The following KDM4C variants were observed in gnomAD, a reference collection of about 807,000 sequenced individuals.
KDM4C encodes the protein lysine demethylase 4C, also known as lysine-specific demethylase 4C.
Under a neutral mutation model 129.3 loss-of-function variants are expected in KDM4C, and 81 were observed. That is an observed-to-expected ratio of 0.63 (90% confidence interval 0.52 to 0.75). The LOEUF is 0.75. KDM4C is among the 30% of genes least tolerant of loss of function. The pLI is 0.00. For synonymous variants in KDM4C, 573 were observed against 456.1 expected (o/e 1.26, Z -3.26); for missense variants, 1,457 against 1,304.0 (o/e 1.12, Z -1.81).
At chr9:6,861,562 AAT>A (rs1242158051) in intron 5 of KDM4C, among the ~76,000 whole-genome samples, 4 of 152,192 alleles carry the variant, frequency 2.6e-5, no homozygotes, top group Non-Finnish European at 5.9e-5. Context: ...TGTCAGTGAT[AAT>A]CACAGATTTA....
At chr9:6,970,354 G>A (rs111265574) in intron 8 of KDM4C, among the ~76,000 whole-genome samples, 2,833 of 152,118 alleles carry the variant, frequency 0.019, 101 homozygotes, top group African/African-American at 0.065. Flanking sequence ...TATGAACCTT[G>A]GTCACTGTAA....
chr9:7,165,202 C>A (rs1021071924), intron 19 of KDM4C, 36 bp from the exon 20 acceptor site: 5 of 1,609,904 alleles, frequency 3.1e-6, no homozygotes, highest in Non-Finnish European at 4.2e-6. Context: ...CACTTAGGCA[C>A]TCCTTTTGAA....
chr9:6,725,537 G>C lies in KDM4C; in HGVS notation c.49+4540G>C, dbSNP rs536610729. 4.9e-3 allele frequency among the ~76,000 whole-genome samples: 741 copies of C among 151,832 alleles called. 7 individuals carry two copies. The highest frequency in any genetic ancestry group is 0.02 in the Middle Eastern group (6 of 294). On this transcript the variant is annotated intron_variant, in intron 1 of 17. Transcript: ENST00000536108. ...AGTTTTGCTCTTGTTGCCCAGGCTG[G>C]AGTGCAATGGCACGATCTTGGCTCA...
intron 8 of KDM4C, among the ~76,000 whole-genome samples, chr9:6,966,929 T>G (rs1046089069): frequency 1.3e-5 from 2 of 152,150 alleles, no homozygotes; most frequent in African/African-American, 4.8e-5. Flanking sequence ...ATAAAAAAAT[T>G]GATGATTTAG....
intron 3 of KDM4C, among the ~76,000 whole-genome samples, chr9:6,813,661 C>T (rs1831569053): frequency 1.3e-5 from 2 of 152,018 alleles, no homozygotes. Context: ...CATTGGTATT[C>T]CTTTTATGTG....
chr9:6,806,854 CTG>C (rs1252222773), intron 3 of KDM4C, among the ~76,000 whole-genome samples: 2 of 150,054 alleles, frequency 1.3e-5, no homozygotes, highest in Non-Finnish European at 3.0e-5. Context: ...AAGTGACACA[CTG>C]TTGCTCTCCC....
At chr9:7,128,403 C>A (rs927726454) in intron 19 of KDM4C, among the ~76,000 whole-genome samples, 167 bp downstream of exon 19, 18 of 150,636 alleles carry the variant, frequency 1.2e-4, no homozygotes, top group African/African-American at 4.2e-4. Flanking sequence ...ACTGATCTTC[C>A]CACATTCTTT....
chr9:7,126,976 C>A (rs1840085644), intron 18 of KDM4C, among the ~76,000 whole-genome samples: 1 of 152,010 alleles, frequency 6.6e-6, no homozygotes, highest in Non-Finnish European at 1.5e-5. Flanking sequence ...GAACTATAAA[C>A]AACTGGGGAG....
intron 1 of KDM4C, among the ~76,000 whole-genome samples, chr9:6,791,405 C>G (rs1268357650): frequency 1.3e-5 from 2 of 152,154 alleles, no homozygotes; most frequent in Admixed American, 1.3e-4. Flanking sequence ...CACTCCCAGC[C>G]CTTGTGTACA....
At chr9:6,937,898 G>C (rs889343173) in intron 8 of KDM4C, among the ~76,000 whole-genome samples, 6 of 151,968 alleles carry the variant, frequency 3.9e-5, no homozygotes, top group African/African-American at 1.2e-4. Flanking sequence ...TTTTGGTAGC[G>C]ATGGGGATTC....
At chr9:7,091,971 T>G (rs1433931811) in intron 17 of KDM4C, among the ~76,000 whole-genome samples, 1 of 152,242 alleles carries the variant, frequency 6.6e-6, no homozygotes, top group Admixed American at 6.5e-5. Context: ...TAACGTCCCT[T>G]ACTTTTTGTC....
chr9:6,986,282 C>G, intron 10 of KDM4C, 62 bp from the exon 11 acceptor site: 2 of 1,149,266 alleles, frequency 1.7e-6, no homozygotes, highest in Admixed American at 2.2e-5. Flanking sequence ...GAATAGTTTA[C>G]CAATTCTACT....
intron 17 of KDM4C, among the ~76,000 whole-genome samples, chr9:7,095,943 A>G (rs986553106): frequency 6.6e-6 from 1 of 152,240 alleles, no homozygotes; most frequent in African/African-American, 2.4e-5. Flanking sequence ...GCTCTTTAAT[A>G]CGAACATAAA....
chr9:6,958,687 A>ATTTTTTTTTTTTT (rs377187050), intron 8 of KDM4C, among the ~76,000 whole-genome samples: 1,627 of 135,802 alleles, frequency 0.012, 52 homozygotes, highest in African/African-American at 0.04. Flanking sequence ...TCTTTATATG[A>ATTTTTTTTTTTTT]TTTTTTTTTT....
chr9:7,089,495 A>G (rs1220557087), intron 17 of KDM4C, among the ~76,000 whole-genome samples: 2 of 152,180 alleles, frequency 1.3e-5, no homozygotes, highest in Non-Finnish European at 2.9e-5. Context: ...TTTTCTACTT[A>G]ATAATACATT....
Position 6,857,717 on chromosome 9 carries a change from C to T in KDM4C, c.629+8017C>T, listed in dbSNP as rs187814499. On this transcript the variant is annotated intron_variant, in intron 5 of 21. Coordinates refer to ENST00000381309, the MANE Select transcript of KDM4C (RefSeq NM_015061.6). The stretch of plus-strand genomic sequence containing the variant: ...AACTAATCCTAATAATGTCAGTCAA[C>T]GTGCAAAGCAAATAGTTTTCCAGAG... Among the ~76,000 whole-genome samples the T allele has an allele frequency of 4.4e-4, 66 of 151,016 alleles. No individual in the cohort carries two copies. In the South Asian group the frequency reaches 9.9e-3, roughly 23 times the overall value.
chr9:6,775,456 A>T (rs1156982169), intron 1 of KDM4C, among the ~76,000 whole-genome samples: 1 of 152,054 alleles, frequency 6.6e-6, no homozygotes, highest in Admixed American at 6.6e-5. Context: ...TTCTTATGAA[A>T]ATGCTGTAAT....
chr9:6,867,015 A>ATT (rs1842132100), intron 5 of KDM4C, among the ~76,000 whole-genome samples: 6 of 114,256 alleles, frequency 5.3e-5, no homozygotes, highest in Middle Eastern at 8.3e-3. Context: ...ATATATATAT[A>ATT]TATTTTTTTT....
Position 6,849,713 on chromosome 9 carries a change from T to C in KDM4C, c.629+13T>C. 6.5e-7 allele frequency: 1 copy of C among 1,535,264 alleles called. No homozygotes were observed. ...AGCCCAAGTCTTGGCAAGTTACTTG[T>C]TTAATATTCATTTACTTTGGAGTTT... On this transcript the variant is annotated intron_variant, in intron 5 of 21. Transcript: ENST00000381309.
Sources: allele counts gnomAD v4.1 joint callset (sites outside exome capture counted in the v4.1 genomes callset), GRCh38; gene constraint gnomAD v4.1.1; transcripts MANE v1.5; gene names NCBI Gene and HGNC (gene_info 2026-07-23, HGNC 2026-07-21).